The following RELL1 variants were observed in gnomAD, a reference collection of about 807,000 sequenced individuals.
RELL1 encodes RELT like 1, also known as RELT-like protein 1.
Under a neutral mutation model 23.0 loss-of-function variants are expected in RELL1, and 10 were observed. The ratio of observed to expected loss-of-function variants is 0.43; its 90% CI spans 0.27 to 0.74. The LOEUF is 0.74. Ranked by LOEUF, RELL1 falls within the 30% of genes least tolerant of loss-of-function variation. The pLI is 0.19. For synonymous variants in RELL1, 146 were observed against 146.8 expected (o/e 0.99, Z 0.04); for missense variants, 315 against 364.4 (o/e 0.86, Z 1.10).
intron 6 of RELL1, among the ~76,000 whole-genome samples, chr4:37,604,531 T>G (rs889395736): frequency 2.1e-5 from 3 of 143,614 alleles, no homozygotes; most frequent in Middle Eastern, 4.2e-3. Flanking sequence ...ACACGCACAC[T>G]CCAAATCAGA....
intron 1 of RELL1, among the ~76,000 whole-genome samples, chr4:37,673,102 T>C (rs1265660355): frequency 1.3e-5 from 2 of 151,390 alleles, no homozygotes; most frequent in African/African-American, 2.4e-5. Context: ...TTAAGAAAAA[T>C]ACATAATTAG....
downstream of RELL1, among the ~76,000 whole-genome samples, chr4:37,606,196 AG>A (rs1426595949): frequency 1.6e-4 from 19 of 117,394 alleles, no homozygotes; most frequent in Non-Finnish European, 3.5e-4. This position sits in a 1 kb window ranked among gnomAD's most constrained non-coding sequence, Gnocchi z 4.1. Context: ...AGAAAGAGAA[AG>A]AAGAAAGAAA....
intron 1 of RELL1, among the ~76,000 whole-genome samples, chr4:37,661,494 G>T (rs1212578572): frequency 6.6e-6 from 1 of 152,078 alleles, no homozygotes; most frequent in African/African-American, 2.4e-5. Flanking sequence ...TGCCCAGGCT[G>T]GTCTCAAATT....
chr4:37,623,898 C>G (rs979527553), intron 6 of RELL1, among the ~76,000 whole-genome samples: 6 of 152,086 alleles, frequency 3.9e-5, no homozygotes, highest in Non-Finnish European at 7.4e-5. Flanking sequence ...AAAAAAGATG[C>G]ATTTTTTCCT....
chr4:37,645,441 G>T (rs1005323892), intron 3 of RELL1, among the ~76,000 whole-genome samples: 1 of 152,180 alleles, frequency 6.6e-6, no homozygotes. Flanking sequence ...CTCAAGAACA[G>T]TATCACCAAC....
chr4:37,619,570 G>C (rs931629204), intron 6 of RELL1, among the ~76,000 whole-genome samples: 9 of 151,710 alleles, frequency 5.9e-5, no homozygotes, highest in African/African-American at 2.2e-4. Flanking sequence ...ATTATTCACA[G>C]TGTTCCCTTT....
At chr4:37,635,171 C>A in intron 4 of RELL1, 48 bp from the exon 5 acceptor site, 1 of 1,437,788 alleles carries the variant, frequency 7.0e-7, no homozygotes, top group Non-Finnish European at 9.8e-7. Flanking sequence ...AAGGAAATAT[C>A]AGCGAAGGTG....
At chr4:37,645,750 T>G (rs1056592766) in intron 3 of RELL1, among the ~76,000 whole-genome samples, 2 of 152,218 alleles carry the variant, frequency 1.3e-5, no homozygotes, top group South Asian at 2.1e-4. Context: ...ATAGGGATGT[T>G]TTGAAGATTA....
intron 1 of RELL1, among the ~76,000 whole-genome samples, chr4:37,656,393 T>C (rs1177064107): frequency 6.6e-6 from 1 of 152,188 alleles, no homozygotes; most frequent in East Asian, 1.9e-4. Flanking sequence ...AGGCACAAAA[T>C]ATAAATTTTC....
Position 37,647,400 on chromosome 4 carries a change from C to T in RELL1, c.353G>A (p.Gly118Glu), listed in dbSNP as rs1164967107. 1 of 1,613,204 alleles carries T rather than the reference C, an allele frequency of 6.2e-7. No homozygotes were observed. The highest frequency in any genetic ancestry group is 8.5e-7 in the Non-Finnish European group (1 of 1,179,378). Residue 118 changes from glycine to glutamate, a missense_variant, in exon 3 of 7, where the codon GGG (glycine) becomes GAG (glutamate). By Grantham distance (98) the Gly-to-Glu change is moderately conservative. Transcript: ENST00000454158. The stretch of plus-strand genomic sequence containing the variant: ...TTTCATGATGTAGTGGACGATTTGC[C>T]CAACAGTGTCACTGTTTTCATTCAC... ...DSVNENSDTV[G>E]QIVHYIMKNE... is the part of the protein sequence containing the mutation.
At chr4:37,610,045 G>A (rs1454377639), downstream of RELL1, among the ~76,000 whole-genome samples, 2 of 152,160 alleles carry the variant, frequency 1.3e-5, no homozygotes, top group African/African-American at 4.8e-5. This position sits in a 1 kb window ranked among gnomAD's most constrained non-coding sequence, Gnocchi z 4.1. Flanking sequence ...AGTACTGCAT[G>A]CTATAGAGAA....
At chr4:37,634,404 G>A (rs1026031456) in intron 5 of RELL1, among the ~76,000 whole-genome samples, 1 of 152,240 alleles carries the variant, frequency 6.6e-6, no homozygotes, top group Non-Finnish European at 1.5e-5. Context: ...CCAGCCAGTG[G>A]AGTGTGAGTC....
intron 1 of RELL1, among the ~76,000 whole-genome samples, chr4:37,668,719 C>G (rs1231679456): frequency 6.7e-6 from 1 of 149,546 alleles, no homozygotes; most frequent in Admixed American, 6.6e-5. Flanking sequence ...GCTGCCCAGT[C>G]TGGAAAGTGA....
At chr4:37,660,495 ATTC>A (rs1341180580) in intron 1 of RELL1, among the ~76,000 whole-genome samples, 4 of 152,180 alleles carry the variant, frequency 2.6e-5, no homozygotes, top group Non-Finnish European at 5.9e-5. Context: ...AATCTGACAA[ATTC>A]ATCTGGTAGC....
chr4:37,624,024 T>G (rs1719855669), intron 6 of RELL1, among the ~76,000 whole-genome samples: 1 of 152,114 alleles, frequency 6.6e-6, no homozygotes, highest in South Asian at 2.1e-4. Context: ...GGACTGCAAA[T>G]CAAGCAGTAC....
chr4:37,604,840 GACACACACACAGACACACACACACAGAC>G (rs1719127044), intron 6 of RELL1, among the ~76,000 whole-genome samples: 1 of 37,848 alleles, frequency 2.6e-5, no homozygotes, highest in Non-Finnish European at 6.1e-5. Flanking sequence ...CATACACACA[GACACACACACAGACACACACACACAGAC>G]ACACACACAC....
intron 1 of RELL1, 121 bp downstream of exon 1, chr4:37,686,079 G>A: frequency 2.3e-6 from 2 of 851,290 alleles, no homozygotes; most frequent in Non-Finnish European, 3.6e-6. Context: ...TCAGTGCCGG[G>A]ATCCCGCGGC....
chr4:37,678,818 T>C (rs1722108656), intron 1 of RELL1, among the ~76,000 whole-genome samples: 1 of 152,200 alleles, frequency 6.6e-6, no homozygotes, highest in South Asian at 2.1e-4. Flanking sequence ...ATAAGGAAAG[T>C]AATTTAAAGA....
In RELL1 at chr4:37,611,876, A is replaced by G. The variant is rs1002096536; in HGVS notation, c.*1470T>C. Among the ~76,000 whole-genome samples, 28 of 152,176 alleles carry G rather than the reference A, an allele frequency of 1.8e-4. No homozygotes were observed. Among genetic ancestry groups the G allele is most frequent in the Admixed American group, 1.6e-3 (25 of 15,276 alleles). ...AGAGGTAGGTGCAGGCCCATCTTAT[A>G]TGAGAAGCAGGGTTCTAGGCCGGGC... On this transcript the variant is annotated 3_prime_UTR_variant, in exon 7 of 7. Transcript: ENST00000454158.
Sources: gnomAD v4.1 joint callset for allele counts (sites outside exome capture counted in the v4.1 genomes callset) on GRCh38, gnomAD v4.1.1 for gene constraint, Gnocchi (gnomAD v3.1) non-coding constraint, MANE v1.5 for transcripts, NCBI Gene and HGNC (gene_info 2026-07-23, HGNC 2026-07-21) for gene names.